The following TUBG2 variants were observed in gnomAD, a reference collection of about 807,000 sequenced individuals.
TUBG2 encodes the protein tubulin gamma-2 chain.
Under a neutral mutation model 55.1 loss-of-function variants are expected in TUBG2, and 39 were observed. The ratio of observed to expected loss-of-function variants is 0.71; its 90% CI spans 0.55 to 0.93. The LOEUF (loss-of-function observed/expected upper bound fraction) is 0.93, where lower values mean the gene tolerates loss of function less well. Among genes scored for constraint, TUBG2 ranks in the 40% least tolerant of loss-of-function variants. The pLI is 0.00. For synonymous variants in TUBG2, 223 were observed against 241.0 expected, an observed-to-expected ratio of 0.93 and a Z score of 0.69; for missense variants, 358 against 599.1, an observed-to-expected ratio of 0.60 and a Z score of 4.20.
chr17:42,660,515 A>G, intron 3 of TUBG2, 124 bp from the exon 4 acceptor site: 3 of 1,287,848 alleles, frequency 2.3e-6, no homozygotes, highest in Non-Finnish European at 3.3e-6. Context: ...TGAGGGCTAC[A>G]GCCTAGGCTC....
chr17:42,666,450 G>C lies in TUBG2; in HGVS notation c.1124G>C (p.Gly375Ala), dbSNP rs778934593. Residue 375 changes from glycine (G) to alanine (A), a missense_variant, in exon 10 of 11, where the codon GGG becomes GCG. By Grantham distance (60) the Gly-to-Ala change is moderately conservative (BLOSUM62 0). Coordinates refer to ENST00000251412, the MANE Select transcript of TUBG2 (RefSeq NM_016437.3). Reference sequence around the variant, plus strand: ...CTGCCCTCGGCCCACCGGGTCAGCGGGCTCATGATGGCCAACCACACCAGC... The same window carrying C: ...CTGCCCTCGGCCCACCGGGTCAGCGCGCTCATGATGGCCAACCACACCAGC... ...PYLPSAHRVSGLMMANHTSIS... is the reference protein window; with the variant it reads ...PYLPSAHRVSALMMANHTSIS... 6.2e-7 allele frequency: 1 copy of C among 1,614,146 alleles called. No homozygotes were observed. Among genetic ancestry groups the C allele is most frequent in the Non-Finnish European group, 8.5e-7 (1 of 1,179,984 alleles).
chr17:42,660,394 C>T, intron 3 of TUBG2, 78 bp downstream of exon 3: 1 of 1,592,266 alleles, frequency 6.3e-7, no homozygotes, highest in Non-Finnish European at 8.6e-7. Context: ...AGGAATTTGA[C>T]CTGACTGACA....
At chr17:42,661,646 C>A (rs1183150028) in intron 4 of TUBG2, among the ~76,000 whole-genome samples, 2 of 152,266 alleles carry the variant, frequency 1.3e-5, no homozygotes, top group Non-Finnish European at 2.9e-5. Flanking sequence ...AAACCCAACG[C>A]CACAGGGCAG....
chr17:42,664,641 G>A (rs974555102), intron 6 of TUBG2, among the ~76,000 whole-genome samples: 3 of 151,438 alleles, frequency 2.0e-5, no homozygotes, highest in African/African-American at 7.3e-5. Flanking sequence ...ATAATTTTCT[G>A]TTTTATATTT....
chr17:42,664,115 CAT>C (rs2052459197), intron 6 of TUBG2, among the ~76,000 whole-genome samples: 2 of 150,448 alleles, frequency 1.3e-5, no homozygotes, highest in East Asian at 2.0e-4. Flanking sequence ...CAAAAAATAA[CAT>C]AAAAAAAAAT....
chr17:42,661,398 C>T (rs1433272577), intron 4 of TUBG2: 1 of 152,224 alleles, frequency 6.6e-6, no homozygotes, highest in Non-Finnish European at 1.5e-5. Context: ...CCCAGATAGC[C>T]ACTGGATGGG....
chr17:42,665,691 T>G lies in TUBG2; in HGVS notation c.707T>G (p.Met236Arg). The G allele has an allele frequency of 6.2e-7, 1 of 1,614,158 alleles. No homozygotes were observed. Among genetic ancestry groups the G allele is most frequent in the Non-Finnish European group, 8.5e-7 (1 of 1,180,024 alleles). The change falls in exon 8 of 11, where the codon ATG (methionine) becomes AGG (arginine). Residue 236 changes from methionine (M) to arginine (R), a missense_variant. Physicochemically the swap from Met to Arg is moderately conservative, Grantham distance 91. Transcript: ENST00000251412. ...GCCTGTCCCCAGGTGTCCACCATCA[T>G]GTCGGCCAGCACCACCACCCTGCGC... ...SQINQLVSTIMSASTTTLRYP... is the reference protein window; with the variant it reads ...SQINQLVSTIRSASTTTLRYP...
Position 42,663,006 on chromosome 17 carries a change from A to G in TUBG2, c.433A>G (p.Thr145Ala). The change falls in exon 5 of 11, where the codon ACG becomes GCG. Residue 145 changes from threonine (T) to alanine (A), a missense_variant. Physicochemically the swap from Thr to Ala is moderately conservative, Grantham distance 58 (BLOSUM62 0). Around this residue, in one of 8 missense-constraint regions of TUBG2, gnomAD observed 40 missense variants for 40.4 expected, o/e 0.99. Coordinates refer to ENST00000251412, the MANE Select transcript of TUBG2 (RefSeq NM_016437.3). The part of the protein sequence containing the change: ...FVLCHSIAGG[T>A]GSGLGSYLLE... ...GCTGTGTCACTCCATCGCTGGGGGTACGGGTTCTGGCCTGGGCTCCTACCT... is the reference window on the plus strand; with the variant it reads ...GCTGTGTCACTCCATCGCTGGGGGTGCGGGTTCTGGCCTGGGCTCCTACCT... The G allele has an allele frequency of 6.2e-7, 1 of 1,614,154 alleles. No homozygotes were observed. Among genetic ancestry groups the G allele is most frequent in the Non-Finnish European group, 8.5e-7 (1 of 1,180,022 alleles).
intron 1 of TUBG2, 65 bp downstream of exon 1, chr17:42,659,617 C>T (rs530688927): frequency 1.5e-5 from 23 of 1,495,766 alleles, no homozygotes; most frequent in Non-Finnish European, 2.1e-5. Flanking sequence ...ACCCAAGTGC[C>T]TGGCTTCCAC....
chr17:42,660,487 A>G (rs769239692), intron 3 of TUBG2, 152 bp from the exon 4 acceptor site: 17 of 1,292,850 alleles, frequency 1.3e-5, no homozygotes, highest in Non-Finnish European at 1.8e-5. Context: ...ATCATTTGCA[A>G]TAGTAGCACT....
Position 42,663,050 on chromosome 17 carries a change from C to G in TUBG2, c.477C>G (p.Asp159Glu), listed in dbSNP as rs558186750. Reference sequence around the variant, plus strand: ...CCTACCTCCTGGAGCGACTGAATGACAGGCAAGCCTGTGTTTGGGGAGAGG... The same window carrying G: ...CCTACCTCCTGGAGCGACTGAATGAGAGGCAAGCCTGTGTTTGGGGAGAGG... ...LGSYLLERLN[D>E]RYPKKLVQTY... Residue 159 changes from aspartate (D) to glutamate (E), a missense_variant and splice_region_variant, in exon 5 of 11, where the codon GAC (aspartate) becomes GAG (glutamate). Asp to Glu is a conservative substitution (Grantham distance 45, BLOSUM62 2). Coordinates refer to ENST00000251412, the MANE Select transcript of TUBG2 (RefSeq NM_016437.3). The G allele has an allele frequency of 4.2e-5, 68 of 1,613,930 alleles. No homozygotes were observed. The highest frequency in any genetic ancestry group is 4.0e-4 in the South Asian group (36 of 91,072).
chr17:42,659,666 G>T (rs2052336360), intron 1 of TUBG2, 114 bp downstream of exon 1: 3 of 1,388,206 alleles, frequency 2.2e-6, no homozygotes, highest in Admixed American at 2.5e-5. Context: ...CTGCCCTGCT[G>T]CTCTGGATAA....
At position 42,665,373 on chromosome 17, in the gene TUBG2, A is replaced by T. The variant is rs924592044; in HGVS notation, c.607-103A>T. 61 of 1,577,892 alleles carry T rather than the reference A, an allele frequency of 3.9e-5. No homozygotes were observed. The East Asian group carries it at 1.2e-3, about 31-fold the overall frequency. ...CAGTACTTTTTTTTTTTAAACTAACAAACCTACTTCCTGGCTTTGGAGTTC... is the reference window on the plus strand; with the variant it reads ...CAGTACTTTTTTTTTTTAAACTAACTAACCTACTTCCTGGCTTTGGAGTTC... On this transcript the variant is annotated intron_variant, in intron 6 of 10. Coordinates refer to ENST00000251412, the MANE Select transcript of TUBG2 (RefSeq NM_016437.3).
At position 42,663,434 on chromosome 17, in the gene TUBG2, C is replaced by T. The variant is rs79365278; in HGVS notation, c.537C>T (p.Ser179=). The T allele has an allele frequency of 5.3e-3, 8,546 of 1,614,032 alleles. 397 individuals carry two copies. The African/African-American group carries it at 0.1, about 19-fold the overall frequency. ...YSVFPYQDEM[S]DVVVQPYNSL... is the part of the protein sequence containing the mutation. ...TGTTTCCCTACCAGGACGAGATGAGCGACGTAGTGGTTCAGCCCTACAATT... is the reference window on the plus strand; with the variant it reads ...TGTTTCCCTACCAGGACGAGATGAGTGACGTAGTGGTTCAGCCCTACAATT... Residue 179 remains serine, a synonymous_variant, in exon 6 of 11, where the codon AGC becomes AGT. Transcript: ENST00000251412.
rs751631713 is a variant in TUBG2, at chr17:42,665,570, C to T, written c.693+8C>T. 1.9e-6 allele frequency: 3 copies of T among 1,614,154 alleles called. No individual in the cohort carries two copies. Among genetic ancestry groups the T allele is most frequent in the South Asian group, 2.2e-5 (2 of 91,082 alleles). On this transcript the variant is annotated splice_region_variant and intron_variant, in intron 7 of 10. Transcript: ENST00000251412. ...TCCCAGATCAACCAGCTGGTGGGCC[C>T]CCACTCCCGGACTCCTTTGGACTGG...
Position 42,663,512 on chromosome 17 carries a change from A to C in TUBG2, c.606+9A>C. 1.2e-6 allele frequency: 2 copies of C among 1,612,892 alleles called. No homozygotes were observed. The highest frequency in any genetic ancestry group is 2.2e-5 in the East Asian group (1 of 44,870). ...AGAACGCAGATTGTGTGGTGAGCAA[A>C]GAAAGAGTTGAGGGGCTGGGTGTGG... On this transcript the variant is annotated intron_variant, in intron 6 of 10. Coordinates refer to ENST00000251412, the MANE Select transcript of TUBG2 (RefSeq NM_016437.3).
chr17:42,662,944 T>G, intron 4 of TUBG2, 29 bp from the exon 5 acceptor site: 2 of 1,605,638 alleles, frequency 1.2e-6, no homozygotes, highest in South Asian at 1.1e-5. Context: ...CAGGAGAAAC[T>G]GAGTCTGTTT....
Position 42,665,704 on chromosome 17 carries a change from C to T in TUBG2, c.720C>T (p.Thr240=), listed in dbSNP as rs1193865468. The T allele has an allele frequency of 1.9e-6, 3 of 1,614,196 alleles. No homozygotes were observed. Among genetic ancestry groups the T allele is most frequent in the South Asian group, 2.2e-5 (2 of 91,084 alleles). ...QLVSTIMSAS[T]TTLRYPGYMN... is the part of the protein sequence containing the mutation. ...TGTCCACCATCATGTCGGCCAGCAC[C>T]ACCACCCTGCGCTACCCCGGCTACA... The change falls in exon 8 of 11, where the codon ACC becomes ACT. Residue 240 remains threonine (T), a synonymous_variant. Transcript: ENST00000251412.
intron 3 of TUBG2, 136 bp downstream of exon 3, chr17:42,660,452 A>C: frequency 6.8e-7 from 1 of 1,472,672 alleles, no homozygotes; most frequent in Non-Finnish European, 9.3e-7. Flanking sequence ...ACAGCCAGGG[A>C]GAGGTTTATG....
Sources: gnomAD v4.1 joint callset for allele counts (sites outside exome capture counted in the v4.1 genomes callset) on GRCh38, gnomAD v4.1.1 for gene constraint, gnomAD v4.1.1 regional missense constraint, MANE v1.5 for transcripts, NCBI Gene and HGNC (gene_info 2026-07-23, HGNC 2026-07-21) for gene names.